PDCL2: variants seen among roughly 807,000 people sequenced by gnomAD.
The protein encoded by PDCL2 is phosducin-like protein 2.
PDCL2 carries 23 observed loss-of-function variants against 30.3 expected under a neutral mutation model. The observed-to-expected ratio is 0.76, with a 90% CI of 0.55 to 1.08. The LOEUF (loss-of-function observed/expected upper bound fraction) is 1.08. PDCL2 is among the 50% of genes least tolerant of loss of function. The pLI is 0.00. For synonymous variants in PDCL2, 68 were observed against 86.2 expected, an observed-to-expected ratio of 0.79 and a Z score of 1.17; for missense variants, 243 against 282.3, an observed-to-expected ratio of 0.86 and a Z score of 1.00.
chr4:55,572,327 G>A (rs1203796576), intron 3 of PDCL2, among the ~76,000 whole-genome samples: 2 of 152,200 alleles, frequency 1.3e-5, no homozygotes, highest in East Asian at 3.8e-4. Flanking sequence ...TCTAGACTGG[G>A]ATACCAGGAA....
chr4:55,585,715 C>A (rs1732844718), intron 1 of PDCL2, among the ~76,000 whole-genome samples: 2 of 152,152 alleles, frequency 1.3e-5, no homozygotes. Flanking sequence ...TTTATTCAAT[C>A]TCCTTATTTG....
chr4:55,567,412 G>A (rs1732296257), intron 4 of PDCL2, among the ~76,000 whole-genome samples: 1 of 152,146 alleles, frequency 6.6e-6, no homozygotes, highest in African/African-American at 2.4e-5. Flanking sequence ...GTGCAGACCT[G>A]TAGTCCAAGC....
chr4:55,567,409 C>T (rs551084272), intron 4 of PDCL2, among the ~76,000 whole-genome samples: 2 of 152,194 alleles, frequency 1.3e-5, no homozygotes, highest in East Asian at 3.9e-4. Flanking sequence ...GTGGTGCAGA[C>T]CTGTAGTCCA....
chr4:55,566,429 C>CTTTTTTTTTTT (rs59299412), intron 4 of PDCL2, among the ~76,000 whole-genome samples: 21 of 126,896 alleles, frequency 1.7e-4, no homozygotes, highest in East Asian at 9.2e-4. Flanking sequence ...TCCTTTTTCT[C>CTTTTTTTTTTT]TTTTTTTTTT....
intron 1 of PDCL2, among the ~76,000 whole-genome samples, chr4:55,588,868 T>TC (rs1732928770): frequency 6.6e-6 from 1 of 151,624 alleles, no homozygotes; most frequent in African/African-American, 2.4e-5. Flanking sequence ...ATAAGTACTT[T>TC]TTTTTTTTTT....
intron 4 of PDCL2, among the ~76,000 whole-genome samples, chr4:55,568,547 G>A (rs1347776384): frequency 2.0e-5 from 3 of 152,254 alleles, no homozygotes; most frequent in African/African-American, 4.8e-5. Flanking sequence ...TAAGGACGAC[G>A]TATTAGATGG....
At position 55,571,354 on chromosome 4, in the gene PDCL2, C is replaced by T. The variant is rs541764597; in HGVS notation, c.219-1493G>A. ...ACTATCCTTTCAATAGCAACCATAT[C>T]CTGACACACTTGAATAAAAACAAAA... On this transcript the variant is annotated intron_variant, in intron 3 of 5. Coordinates refer to ENST00000295645, the MANE Select transcript of PDCL2 (RefSeq NM_152401.3). 9.2e-5 allele frequency among the ~76,000 whole-genome samples: 14 copies of T among 151,662 alleles called. No individual in the cohort carries two copies. In the South Asian group the frequency reaches 1.3e-3, roughly 14 times the overall value.
At chr4:55,575,325 A>C (rs753833972) in intron 3 of PDCL2, among the ~76,000 whole-genome samples, 95 of 152,284 alleles carry the variant, frequency 6.2e-4, no homozygotes, top group Non-Finnish European at 1.1e-3. Context: ...GAAGCAGAAG[A>C]ATCAGCAACC....
intron 4 of PDCL2, among the ~76,000 whole-genome samples, chr4:55,565,695 G>A (rs1054560736): frequency 6.6e-6 from 1 of 152,138 alleles, no homozygotes; most frequent in Non-Finnish European, 1.5e-5. Flanking sequence ...CCCTATGATT[G>A]CATTCCCAAC....
At chr4:55,567,457 G>C (rs570976033) in intron 4 of PDCL2, among the ~76,000 whole-genome samples, 2 of 152,242 alleles carry the variant, frequency 1.3e-5, no homozygotes, top group African/African-American at 2.4e-5. Context: ...ATCATTGCTT[G>C]AGCCCAAGCA....
chr4:55,588,149 T>A (rs1346765750), intron 1 of PDCL2, among the ~76,000 whole-genome samples: 3 of 152,212 alleles, frequency 2.0e-5, no homozygotes, highest in Non-Finnish European at 4.4e-5. Context: ...TTGGGAACTA[T>A]GTCAGGCAAA....
intron 4 of PDCL2, 78 bp downstream of exon 4, chr4:55,569,640 C>G (rs751745170): frequency 3.5e-6 from 4 of 1,138,588 alleles, no homozygotes; most frequent in Non-Finnish European, 4.8e-6. Flanking sequence ...CTGTTATATA[C>G]TTTGTAAAAC....
chr4:55,582,292 T>C, intron 1 of PDCL2, 55 bp from the exon 2 acceptor site: 1 of 1,494,024 alleles, frequency 6.7e-7, no homozygotes, highest in Non-Finnish European at 8.9e-7. Flanking sequence ...TTAATATGTA[T>C]TTGGAAAATT....
At chr4:55,592,069 T>C in intron 1 of PDCL2, 35 bp downstream of exon 1, 7 of 1,607,808 alleles carry the variant, frequency 4.4e-6, no homozygotes, top group Non-Finnish European at 5.9e-6. Context: ...ACCCACTGGG[T>C]GTTCCAGGGT....
intron 3 of PDCL2, among the ~76,000 whole-genome samples, chr4:55,578,321 A>C (rs1265029973): frequency 6.6e-6 from 1 of 152,170 alleles, no homozygotes; most frequent in African/African-American, 2.4e-5. Context: ...CCCTGGCTCC[A>C]GCAAGCTGTG....
Position 55,569,729 on chromosome 4 carries a change from T to G in PDCL2, c.351A>C (p.Leu117=). The G allele has an allele frequency of 6.5e-7, 1 of 1,549,804 alleles. No individual in the cohort carries two copies. Among genetic ancestry groups the G allele is most frequent in the Non-Finnish European group, 8.7e-7 (1 of 1,146,452 alleles). ...AEEDVWVIIH[L]YRSSIPMCLL... ...ATTATGGTAATTACCTTGATCTGTA[T>G]AGATGAATTATAACCCACACATCTT... The change falls in exon 4 of 6, where the codon CTA becomes CTC. Residue 117 remains leucine (L), a synonymous_variant. Transcript: ENST00000295645.
chr4:55,569,381 ATCTG>A (rs1424214801), intron 4 of PDCL2, among the ~76,000 whole-genome samples: 1 of 152,124 alleles, frequency 6.6e-6, no homozygotes, highest in African/African-American at 2.4e-5. Flanking sequence ...TACTTGTTGA[ATCTG>A]TATGGTCGAT....
intron 1 of PDCL2, 89 bp downstream of exon 1, chr4:55,592,015 C>T: frequency 6.5e-7 from 1 of 1,532,578 alleles, no homozygotes; most frequent in Non-Finnish European, 8.9e-7. Flanking sequence ...CCTCCTGTGT[C>T]CGCCCTCCCC....
intron 1 of PDCL2, among the ~76,000 whole-genome samples, chr4:55,586,307 T>C (rs1387607086): frequency 4.6e-5 from 7 of 152,222 alleles, no homozygotes; most frequent in Non-Finnish European, 1.0e-4. Context: ...ATAGAAAAAC[T>C]GTACTCATTA....
Sources: gnomAD v4.1 joint callset for allele counts (sites outside exome capture counted in the v4.1 genomes callset) on GRCh38, gnomAD v4.1.1 for gene constraint, MANE v1.5 for transcripts, NCBI Gene and HGNC (gene_info 2026-07-23, HGNC 2026-07-21) for gene names.